The following TECTA variants were observed in gnomAD, a reference collection of about 807,000 sequenced individuals.
TECTA encodes tectorin alpha.
TECTA carries 128 observed loss-of-function variants against 216.8 expected under a neutral mutation model. That is an observed-to-expected ratio of 0.59 (90% CI 0.51 to 0.68). The LOEUF (loss-of-function observed/expected upper bound fraction) is 0.68, where lower values mean the gene tolerates loss of function less well. Among genes scored for constraint, TECTA ranks in the 30% least tolerant of loss-of-function variants. TECTA has a pLI of 0.00. For synonymous variants in TECTA, 1,089 were observed against 1,117.1 expected (o/e 0.97, Z 0.50); for missense variants, 2,551 against 2,786.2 (o/e 0.92, Z 1.90).
intron 20 of TECTA, among the ~76,000 whole-genome samples, chr11:121,176,242 G>A (rs1032863585): frequency 6.6e-6 from 1 of 151,322 alleles, no homozygotes; most frequent in African/African-American, 2.4e-5. Flanking sequence ...GATGTTAGCT[G>A]GTTATTTTGC....
chr11:121,129,548 T>C (rs928104939), intron 9 of TECTA, 90 bp from the exon 10 acceptor site: 2 of 1,355,650 alleles, frequency 1.5e-6, no homozygotes, highest in African/African-American at 2.9e-5. Context: ...AGGCTAGCAA[T>C]AGGGCAGACC....
chr11:121,163,541 T>C (rs1947021734), intron 16 of TECTA, among the ~76,000 whole-genome samples: 1 of 152,202 alleles, frequency 6.6e-6, no homozygotes, highest in Admixed American at 6.5e-5. Flanking sequence ...ATGGCACATG[T>C]ATACATATGT....
rs762121508 is a variant in TECTA at position 121,157,929 on chromosome 11, A to G, written c.4394A>G (p.Lys1465Arg). 2 of 1,614,130 alleles carry G rather than the reference A, an allele frequency of 1.2e-6. No individual in the cohort carries two copies. Among genetic ancestry groups the G allele is most frequent in the Non-Finnish European group, 1.7e-6 (2 of 1,180,008 alleles). ...NVIQCDPRQC[K>R]SDEECALRNG... ...ATTCAGTGCGACCCGCGCCAATGCA[A>G]GTCAGACGAGGAGTGTGCGCTGCGC... Residue 1465 changes from lysine to arginine, a missense_variant, in exon 14 of 24, where the codon AAG becomes AGG. Coordinates refer to ENST00000392793, the MANE Select transcript of TECTA (RefSeq NM_005422.4).
chr11:121,145,969 C>T lies in TECTA; in HGVS notation c.3958C>T (p.Pro1320Ser), dbSNP rs149494818. 2.5e-6 allele frequency: 4 copies of T among 1,614,126 alleles called. No homozygotes were observed. Among genetic ancestry groups the T allele is most frequent in the Non-Finnish European group, 3.4e-6 (4 of 1,180,052 alleles). ...AFSKCHSKVN[P>S]TFFYKNCLFD... is the part of the protein sequence containing the mutation. ...CTCCAAGTGTCACAGCAAAGTTAAC[C>T]CCACCTTCTTCTATAAGAACTGCCT... The change falls in exon 12 of 24, where the codon CCC (proline) becomes TCC (serine). Residue 1320 changes from proline to serine, a missense_variant. This residue lies in a region of TECTA where 2,375 missense variants were observed against 2,563.9 expected (regional missense o/e 0.93). Transcript: ENST00000392793.
At chr11:121,184,458 G>A (rs1442368225) in intron 20 of TECTA, among the ~76,000 whole-genome samples, 1 of 152,224 alleles carries the variant, frequency 6.6e-6, no homozygotes, top group Non-Finnish European at 1.5e-5. Flanking sequence ...GTAGGGTTAT[G>A]CACCATTGCA....
chr11:121,133,196 G>T (rs1374201994), intron 10 of TECTA, among the ~76,000 whole-genome samples: 1 of 152,072 alleles, frequency 6.6e-6, no homozygotes, highest in East Asian at 1.9e-4. Flanking sequence ...AATAACATTT[G>T]TTCATTTGTT....
chr11:121,133,618 A>C (rs1291388470), intron 10 of TECTA, among the ~76,000 whole-genome samples: 1 of 152,242 alleles, frequency 6.6e-6, no homozygotes, highest in Admixed American at 6.5e-5. Flanking sequence ...CTTTTGAAAC[A>C]GAATGATCCT....
chr11:121,181,478 T>TTATTATTATTATTATTA (rs1947228740), intron 20 of TECTA, among the ~76,000 whole-genome samples: 1 of 88,388 alleles, frequency 1.1e-5, no homozygotes, highest in African/African-American at 6.4e-5. Flanking sequence ...TATTATGATT[T>TTATTATTATTATTATTA]TATTTTTTGA....
At chr11:121,180,241 T>C (rs960654897) in intron 20 of TECTA, among the ~76,000 whole-genome samples, 4 of 152,170 alleles carry the variant, frequency 2.6e-5, no homozygotes, top group Non-Finnish European at 4.4e-5. Flanking sequence ...TTGTGTGTTT[T>C]TATTATGTCA....
At chr11:121,183,285 G>T (rs1947249125) in intron 20 of TECTA, among the ~76,000 whole-genome samples, 1 of 152,130 alleles carries the variant, frequency 6.6e-6, no homozygotes, top group Non-Finnish European at 1.5e-5. Context: ...TCGCAACATG[G>T]CACCATGCTG....
chr11:121,110,002 A>G (rs1946428321), intron 4 of TECTA: 1 of 171,556 alleles, frequency 5.8e-6, no homozygotes, highest in African/African-American at 2.4e-5. Context: ...ATGTTGTGAC[A>G]TCTTTTTTAT....
intron 10 of TECTA, among the ~76,000 whole-genome samples, chr11:121,130,686 C>T (rs1405561185): frequency 5.3e-5 from 8 of 152,106 alleles, no homozygotes; most frequent in Admixed American, 2.0e-4. Flanking sequence ...AATTTTGTCC[C>T]GAAAGTATCT....
intron 12 of TECTA, among the ~76,000 whole-genome samples, chr11:121,147,858 A>G (rs1946854116): frequency 6.6e-6 from 1 of 152,184 alleles, no homozygotes; most frequent in Admixed American, 6.5e-5. Context: ...TGCAACAAAC[A>G]GGGAAATGCA....
intron 18 of TECTA, among the ~76,000 whole-genome samples, chr11:121,167,005 G>A (rs1217005334): frequency 6.6e-6 from 1 of 152,176 alleles, no homozygotes; most frequent in East Asian, 1.9e-4. Context: ...CTTGGTTTGG[G>A]ATGCCTACTG....
chr11:121,152,819 T>G, intron 12 of TECTA, 62 bp from the exon 13 acceptor site: 1,115 of 1,522,266 alleles, frequency 7.3e-4, no homozygotes, highest in Non-Finnish European at 9.2e-4. Context: ...GCAATGGCCA[T>G]GAGAAAACCC....
intron 20 of TECTA, 78 bp downstream of exon 20, chr11:121,169,003 T>A: frequency 6.2e-7 from 1 of 1,609,536 alleles, no homozygotes; most frequent in South Asian, 1.1e-5. Flanking sequence ...AGGAAGGGAA[T>A]GGAAACTAAT....
chr11:121,183,233 T>C (rs1387076518), intron 20 of TECTA, among the ~76,000 whole-genome samples: 1 of 152,110 alleles, frequency 6.6e-6, no homozygotes, highest in Non-Finnish European at 1.5e-5. Context: ...AAGCAGGGGA[T>C]GTTGGGCCCC....
chr11:121,173,682 T>G (rs1947136508), intron 20 of TECTA, among the ~76,000 whole-genome samples: 1 of 150,200 alleles, frequency 6.7e-6, no homozygotes, highest in Non-Finnish European at 1.5e-5. Context: ...GGCTCTTTTT[T>G]GGTTCCATAT....
At position 121,134,325 on chromosome 11, in the gene TECTA, C is replaced by CCACACACACACA. The variant is rs6144537; in HGVS notation, c.2942-3084_2942-3073dup. Among the ~76,000 whole-genome samples the CCACACACACACA allele has an allele frequency of 8.5e-3, 1,255 of 146,936 alleles. 20 individuals are homozygous for CCACACACACACA. The highest frequency in any genetic ancestry group is 0.026 in the African/African-American group (1,028 of 39,062). ...CAACAGACGGAGCTGAAAACCAACA[C>CCACACACACACA]CACACACACACACACACACACACGC... On this transcript the variant is annotated intron_variant, in intron 10 of 23. Transcript: ENST00000392793.
Sources: gnomAD v4.1 joint callset for allele counts (sites outside exome capture counted in the v4.1 genomes callset) on GRCh38, gnomAD v4.1.1 for gene constraint, gnomAD v4.1.1 regional missense constraint, MANE v1.5 for transcripts, NCBI Gene and HGNC (gene_info 2026-07-23, HGNC 2026-07-21) for gene names.